FOXP2: variants seen among roughly 807,000 people sequenced by gnomAD.
FOXP2 encodes the protein forkhead box protein P2.
In FOXP2, 12 loss-of-function variants were observed where a neutral mutation model predicts 115.8. The ratio of observed to expected loss-of-function variants is 0.10; its 90% CI spans 0.07 to 0.17. The LOEUF is 0.17. Ranked by LOEUF, FOXP2 falls within the 10% of genes least tolerant of loss-of-function variation. The pLI, the probability that FOXP2 is intolerant of heterozygous loss-of-function variation, is 1.00. For synonymous variants in FOXP2, 328 were observed against 297.7 expected (o/e 1.10, Z -1.05); for missense variants, 629 against 843.5 (o/e 0.75, Z 3.15).
At chr7:114,533,152 A>G (rs1799221670) in intron 2 of FOXP2, among the ~76,000 whole-genome samples, 1 of 151,972 alleles carries the variant, frequency 6.6e-6, no homozygotes, top group Admixed American at 6.6e-5. Flanking sequence ...TGTGTCTCCA[A>G]ATGTAAAAAG....
chr7:114,658,984 G>A (rs899586730), intron 11 of FOXP2, among the ~76,000 whole-genome samples: 3 of 152,144 alleles, frequency 2.0e-5, no homozygotes, highest in African/African-American at 7.2e-5. Flanking sequence ...CACAGATGCA[G>A]AGGTGAGCCT....
chr7:114,125,426 G>A (rs982279957), intron 1 of FOXP2, among the ~76,000 whole-genome samples: 4 of 152,068 alleles, frequency 2.6e-5, no homozygotes, highest in Non-Finnish European at 4.4e-5. Context: ...CTTAAGTGGA[G>A]TGTGAATCTT....
rs112856274 is a variant in FOXP2 at position 114,628,513 on chromosome 7, T to TTCTTTC, written c.259-13_259-8dup. The TTCTTTC allele has an allele frequency of 1.6e-4, 260 of 1,613,580 alleles. No individual in the cohort carries two copies. Among genetic ancestry groups the TTCTTTC allele is most frequent in the Non-Finnish European group, 2.2e-4 (254 of 1,179,918 alleles). ...AGATATTTGGTTATGACCACGAATTTTCTTTCTCTTTCTCTTTCTGTGCAA... is the reference window on the plus strand; with the variant it reads ...AGATATTTGGTTATGACCACGAATTTTCTTTCTCTTTCTCTTTCTCTTTCTGTGCAA... On this transcript the variant is annotated intron_variant, in intron 3 of 16. Coordinates refer to ENST00000350908, the MANE Select transcript of FOXP2 (RefSeq NM_014491.4).
intron 1 of FOXP2, among the ~76,000 whole-genome samples, chr7:114,100,010 A>G (rs1239267887): frequency 6.6e-6 from 1 of 152,184 alleles, no homozygotes; most frequent in Non-Finnish European, 1.5e-5. Context: ...ATATTCCATA[A>G]TATCATGTTG....
chr7:114,621,708 C>T (rs1804267368), intron 3 of FOXP2, among the ~76,000 whole-genome samples: 1 of 151,900 alleles, frequency 6.6e-6, no homozygotes, highest in Non-Finnish European at 1.5e-5. Flanking sequence ...CATTCTTGAA[C>T]TTTGGAACCA....
At chr7:114,471,891 CAG>C (rs1796064064) in intron 2 of FOXP2, among the ~76,000 whole-genome samples, 2 of 149,660 alleles carry the variant, frequency 1.3e-5, no homozygotes, top group Admixed American at 1.3e-4. Flanking sequence ...ACCCAGGAGA[CAG>C]AGATTGCAGT....
chr7:114,373,837 C>G (rs1284956301), intron 2 of FOXP2, among the ~76,000 whole-genome samples: 1 of 152,194 alleles, frequency 6.6e-6, no homozygotes, highest in Non-Finnish European at 1.5e-5. Context: ...TTTGAGAAAA[C>G]TGAAGTTTAG....
chr7:114,307,307 C>T (rs780262783), intron 2 of FOXP2, among the ~76,000 whole-genome samples: 3 of 152,062 alleles, frequency 2.0e-5, no homozygotes, highest in Non-Finnish European at 4.4e-5. Context: ...CATTTATGCC[C>T]CCCGAGTCCT....
chr7:114,379,633 T>G (rs1026264387), intron 2 of FOXP2, among the ~76,000 whole-genome samples: 4 of 152,152 alleles, frequency 2.6e-5, no homozygotes, highest in African/African-American at 9.7e-5. Flanking sequence ...GGGCTCCATT[T>G]GAAAAACCAT....
intron 2 of FOXP2, among the ~76,000 whole-genome samples, chr7:114,463,438 T>C (rs559350150): frequency 3.5e-4 from 53 of 152,148 alleles, no homozygotes; most frequent in Admixed American, 5.2e-4. Flanking sequence ...ACTGAGGAAA[T>C]GAATGTTTTA....
At chr7:114,409,841 C>T (rs1286663015), upstream of FOXP2, among the ~76,000 whole-genome samples, 1 of 152,106 alleles carries the variant, frequency 6.6e-6, no homozygotes, top group African/African-American at 2.4e-5. Context: ...CATCTTGATA[C>T]TCCCTGTTGC....
chr7:114,438,298 T>C (rs1794442223), intron 2 of FOXP2, among the ~76,000 whole-genome samples: 1 of 152,146 alleles, frequency 6.6e-6, no homozygotes, highest in African/African-American at 2.4e-5. Context: ...TAGACCCCAA[T>C]TCAAGTGTTT....
At chr7:114,281,077 G>C (rs1430047348) in intron 1 of FOXP2, among the ~76,000 whole-genome samples, 1 of 148,536 alleles carries the variant, frequency 6.7e-6, no homozygotes, top group Admixed American at 6.8e-5. Context: ...GGTGAGAAAG[G>C]CTTTTTATGC....
intron 2 of FOXP2, among the ~76,000 whole-genome samples, chr7:114,371,535 T>C (rs1792007818): frequency 6.6e-6 from 1 of 152,110 alleles, no homozygotes; most frequent in Non-Finnish European, 1.5e-5. Flanking sequence ...GTAAAAGATA[T>C]ATGCTTTTCA....
chr7:114,215,478 G>T (rs937135736), intron 1 of FOXP2, among the ~76,000 whole-genome samples: 1 of 151,918 alleles, frequency 6.6e-6, no homozygotes, highest in African/African-American at 2.4e-5. Flanking sequence ...AGTTCAAAAT[G>T]GTTACATATC....
intron 1 of FOXP2, among the ~76,000 whole-genome samples, chr7:114,146,064 G>A (rs1382417273): frequency 6.6e-6 from 1 of 152,128 alleles, no homozygotes; most frequent in African/African-American, 2.4e-5. Flanking sequence ...AAAGATTAAG[G>A]TAAAGTGAAA....
chr7:114,145,346 T>C (rs903341896), intron 1 of FOXP2, among the ~76,000 whole-genome samples: 8 of 152,188 alleles, frequency 5.3e-5, no homozygotes, highest in Non-Finnish European at 1.0e-4. Flanking sequence ...TTACATCTTA[T>C]TTTAACAAAT....
chr7:114,372,712 T>G (rs911428799), intron 2 of FOXP2, among the ~76,000 whole-genome samples: 9 of 149,664 alleles, frequency 6.0e-5, no homozygotes, highest in East Asian at 1.9e-4. Flanking sequence ...ACTGTTAGGG[T>G]TTTTTTTTGG....
intron 2 of FOXP2, among the ~76,000 whole-genome samples, chr7:114,394,945 G>A (rs943720162): frequency 2.0e-5 from 3 of 152,160 alleles, no homozygotes; most frequent in African/African-American, 7.2e-5. Context: ...TAGATCGTGT[G>A]AATAATGTAT....
Sources: allele counts gnomAD v4.1 joint callset (sites outside exome capture counted in the v4.1 genomes callset), GRCh38; gene constraint gnomAD v4.1.1; transcripts MANE v1.5; gene names NCBI Gene and HGNC (gene_info 2026-07-23, HGNC 2026-07-21).